DRC9: variants seen among roughly 807,000 people sequenced by gnomAD.
The protein encoded by DRC9 is dynein regulatory complex protein 9.
chr3:197,914,034 A>G, the DRC9 span: 1 of 1,613,862 alleles, frequency 6.2e-7, no homozygotes, highest in Non-Finnish European at 8.5e-7. Flanking sequence ...CAATATACTC[A>G]TTCTGACTCT....
At chr3:197,953,408 G>A in the DRC9 span, 3 of 456,686 alleles carry the variant, frequency 6.6e-6, no homozygotes, top group Admixed American at 7.0e-5. Flanking sequence ...CATATCCTTT[G>A]TACATTGCTC....
the DRC9 span, among the ~76,000 whole-genome samples, chr3:197,942,558 G>GA: frequency 1.3e-5 from 2 of 149,808 alleles, no homozygotes. Context: ...CAAACAAAAT[G>GA]AAAAAAAAAG....
At chr3:197,915,346 G>A in the DRC9 span, among the ~76,000 whole-genome samples, 3 of 152,060 alleles carry the variant, frequency 2.0e-5, no homozygotes, top group Non-Finnish European at 4.4e-5. Context: ...CCTAGTGAGG[G>A]TTGAGGGGAG....
At chr3:197,933,975 TAAAA>T in the DRC9 span, among the ~76,000 whole-genome samples, 2 of 109,506 alleles carry the variant, frequency 1.8e-5, no homozygotes, top group Non-Finnish European at 1.9e-5. Context: ...CTCACCCAGC[TAAAA>T]AAAAAAAAAA....
the DRC9 span, among the ~76,000 whole-genome samples, chr3:197,904,106 ATATAT>A: frequency 0.033 from 850 of 26,076 alleles, 32 homozygotes; most frequent in Middle Eastern, 0.091. Flanking sequence ...ATATATATAT[ATATAT>A]TTTTTTTTTT....
the DRC9 span, among the ~76,000 whole-genome samples, chr3:197,946,414 G>A: frequency 1.1e-4 from 14 of 129,182 alleles, no homozygotes; most frequent in South Asian, 1.2e-3. Flanking sequence ...CAGCCTGGGC[G>A]ACAGAGCGAG....
At chr3:197,920,594 G>T in the DRC9 span, among the ~76,000 whole-genome samples, 1 of 152,240 alleles carries the variant, frequency 6.6e-6, no homozygotes, top group Admixed American at 6.5e-5. Context: ...GGGCCTGGTG[G>T]CATGTGTTTT....
At chr3:197,934,555 G>C in the DRC9 span, among the ~76,000 whole-genome samples, 354 of 152,238 alleles carry the variant, frequency 2.3e-3, 2 homozygotes, top group African/African-American at 8.2e-3. Flanking sequence ...GAGTAAACCA[G>C]GTTCAGGAAA....
At chr3:197,928,960 G>A in the DRC9 span, among the ~76,000 whole-genome samples, 1 of 152,210 alleles carries the variant, frequency 6.6e-6, no homozygotes, top group African/African-American at 2.4e-5. Context: ...GTCTGGCAAA[G>A]GAGCAGGATG....
chr3:197,919,416 T>C, the DRC9 span, among the ~76,000 whole-genome samples: 2 of 152,172 alleles, frequency 1.3e-5, no homozygotes, highest in African/African-American at 4.8e-5. Flanking sequence ...CAGGCTCCTT[T>C]TCAGAGTTTC....
chr3:197,932,235 G>T, the DRC9 span: 1 of 1,613,360 alleles, frequency 6.2e-7, no homozygotes, highest in Non-Finnish European at 8.5e-7. Flanking sequence ...GCTTGCAGGA[G>T]ACTGTTGTAA....
At chr3:197,902,631 G>A in the DRC9 span, among the ~76,000 whole-genome samples, 5 of 151,808 alleles carry the variant, frequency 3.3e-5, no homozygotes, top group East Asian at 3.9e-4. Flanking sequence ...GAAGGACTTC[G>A]TGAGCCTGAA....
the DRC9 span, among the ~76,000 whole-genome samples, chr3:197,920,839 G>A: frequency 6.6e-6 from 1 of 151,844 alleles, no homozygotes; most frequent in African/African-American, 2.4e-5. Flanking sequence ...AACTTTTTTT[G>A]CTTTGTGACT....
the DRC9 span, among the ~76,000 whole-genome samples, chr3:197,908,299 G>A: frequency 2.2e-5 from 3 of 135,810 alleles, no homozygotes. Flanking sequence ...AGGGGTGACT[G>A]TACCAGGTCT....
the DRC9 span, among the ~76,000 whole-genome samples, chr3:197,920,424 A>T: frequency 3.0e-5 from 4 of 133,506 alleles, no homozygotes; most frequent in African/African-American, 1.3e-4. Flanking sequence ...CCCCCATCTC[A>T]ATTAAAAAAA....
chr3:197,889,804 T>C, the DRC9 span: 1 of 1,455,440 alleles, frequency 6.9e-7, no homozygotes, highest in South Asian at 1.2e-5. Flanking sequence ...ATAAAGTAAC[T>C]TCTGTCTGAC....
At chr3:197,945,642 G>A in the DRC9 span, 1,837 of 1,579,892 alleles carry the variant, frequency 1.2e-3, 3 homozygotes, top group Admixed American at 2.4e-3. Flanking sequence ...CTGTAGCTTC[G>A]TTACCCTCCG....
chr3:197,937,446 C>T, the DRC9 span, among the ~76,000 whole-genome samples: 1 of 151,832 alleles, frequency 6.6e-6, no homozygotes, highest in Non-Finnish European at 1.5e-5. Context: ...TGCAAGGTTG[C>T]TATCACGGTC....
the DRC9 span, among the ~76,000 whole-genome samples, chr3:197,931,771 C>T: frequency 5.9e-5 from 9 of 151,828 alleles, no homozygotes. Flanking sequence ...ACTACAGGCG[C>T]CCGCCACCAC....
Sources: allele counts gnomAD v4.1 joint callset (sites outside exome capture counted in the v4.1 genomes callset), GRCh38; gene constraint gnomAD v4.1.1; transcripts MANE v1.5; gene names NCBI Gene and HGNC (gene_info 2026-07-23, HGNC 2026-07-21).